The following SLC16A5 variants were observed in gnomAD, a reference collection of about 807,000 sequenced individuals.
SLC16A5 encodes the protein monocarboxylate transporter 6.
Under a neutral mutation model 33.2 loss-of-function variants are expected in SLC16A5, and 29 were observed. The observed-to-expected ratio is 0.87, with a 90% CI of 0.65 to 1.19. SLC16A5 has a LOEUF of 1.19. Ranked by LOEUF, SLC16A5 falls within the 50% of genes most tolerant of loss-of-function variation. The pLI is 0.00. For synonymous variants in SLC16A5, 248 were observed against 284.1 expected (o/e 0.87, Z 1.28); for missense variants, 606 against 678.2 (o/e 0.89, Z 1.18).
intron 2 of SLC16A5, among the ~76,000 whole-genome samples, chr17:75,092,786 T>G (rs1372500712): frequency 6.6e-6 from 1 of 151,620 alleles, no homozygotes. Context: ...TGTGTTTGTG[T>G]GTGACTGGGT....
intron 3 of SLC16A5, among the ~76,000 whole-genome samples, chr17:75,097,792 T>G (rs1351260843): frequency 1.3e-5 from 2 of 152,188 alleles, no homozygotes; most frequent in East Asian, 3.8e-4. Flanking sequence ...GGAATCCTCA[T>G]CAGGGTCAAA....
chr17:75,100,433 T>A lies in SLC16A5; in HGVS notation c.770T>A (p.Val257Asp). 1 of 1,614,252 alleles carries A rather than the reference T, an allele frequency of 6.2e-7. No homozygotes were observed. Among genetic ancestry groups the A allele is most frequent in the Non-Finnish European group, 8.5e-7 (1 of 1,180,048 alleles). The change falls in exon 5 of 7, where the codon GTC becomes GAC. Residue 257 changes from valine (V) to aspartate (D), a missense_variant. Transcript: ENST00000329783. ...WSVLGFPLPQ[V>D]FLVPYAMWHS... The stretch of plus-strand genomic sequence containing the variant: ...GTCCTGGGCTTCCCACTGCCACAAG[T>A]CTTCCTGGTGCCATATGCCATGTGG...
chr17:75,093,697 A>G lies in SLC16A5; in HGVS notation c.61A>G (p.Met21Val). The change falls in exon 3 of 7, where the codon ATG becomes GTG. Residue 21 changes from methionine (M) to valine (V), a missense_variant. Met to Val is a conservative substitution (Grantham distance 21, BLOSUM62 1). Coordinates refer to ENST00000329783, the MANE Select transcript of SLC16A5 (RefSeq NM_004695.4). Reference protein sequence around the residue: ...SWAWVVLLATMVTQGLTLGFP... With the variant: ...SWAWVVLLATVVTQGLTLGFP... ...GGCCTGGGTGGTGCTGCTGGCCACC[A>G]TGGTGACCCAGGGCCTCACCCTGGG... is the stretch of plus-strand genomic sequence containing the variant. 6.2e-7 allele frequency: 1 copy of G among 1,614,082 alleles called. No homozygotes were observed. The highest frequency in any genetic ancestry group is 1.1e-5 in the South Asian group (1 of 91,086).
intron 6 of SLC16A5, chr17:75,104,592 C>T (rs1280680008): frequency 4.5e-5 from 26 of 572,232 alleles, no homozygotes; most frequent in Non-Finnish European, 5.3e-5. Context: ...GCTGAGATTA[C>T]AGGCATGCGC....
intron 2 of SLC16A5, among the ~76,000 whole-genome samples, chr17:75,091,686 A>T (rs34183507): frequency 0.17 from 25,636 of 152,084 alleles, 3,804 homozygotes; most frequent in African/African-American, 0.4. Flanking sequence ...TTTCTGGTAG[A>T]TGTCCGAGTT....
intron 6 of SLC16A5, 171 bp downstream of exon 6, chr17:75,104,351 A>AAGCTGGGACTCTGCCAGG: frequency 4.2e-6 from 6 of 1,434,874 alleles, no homozygotes; most frequent in Middle Eastern, 2.5e-4. Flanking sequence ...CAGGCTCTGC[A>AAGCTGGGACTCTGCCAGG]AGCTGGGACT....
chr17:75,099,546 A>T lies in SLC16A5; in HGVS notation c.344-461A>T, dbSNP rs1416812267. Among the ~76,000 whole-genome samples the T allele has an allele frequency of 2.0e-5, 3 of 152,224 alleles. No individual in the cohort carries two copies. In the East Asian group the frequency reaches 5.8e-4, roughly 29 times the overall value. ...AACCTCCACTTCCCGGGTTCAAGTG[A>T]TTCTCCTGACTCAGCCTCCTAGGTA... On this transcript the variant is annotated intron_variant, in intron 4 of 6. Transcript: ENST00000329783.
At chr17:75,099,053 T>A (rs998856671) in intron 4 of SLC16A5, among the ~76,000 whole-genome samples, 1 of 152,080 alleles carries the variant, frequency 6.6e-6, no homozygotes, top group Admixed American at 6.6e-5. Flanking sequence ...GAGAACTTTT[T>A]CTCCAGCATG....
chr17:75,093,946 G>A, intron 3 of SLC16A5, 111 bp downstream of exon 3: 3 of 1,448,634 alleles, frequency 2.1e-6, no homozygotes, highest in South Asian at 2.7e-5. Context: ...TTGCCTCCTG[G>A]GTGAATTCCT....
chr17:75,099,205 G>A (rs1046410144), intron 4 of SLC16A5, among the ~76,000 whole-genome samples: 1 of 152,168 alleles, frequency 6.6e-6, no homozygotes, highest in South Asian at 2.1e-4. Flanking sequence ...ATAACCCGAG[G>A]TAGGGGCAGC....
At chr17:75,110,017 A>G (rs2073895485), downstream of SLC16A5, 1 of 392,726 alleles carries the variant, frequency 2.5e-6, no homozygotes. Flanking sequence ...CCCCTCCGCG[A>G]GCCCCAACCA....
Position 75,100,355 on chromosome 17 carries a change from TC to T in SLC16A5, c.694del (p.Leu232CysfsTer14), listed in dbSNP as rs1389518348. ...ATCCAGCGCCACCTGGCCTTCGACA[TC>T]CTGCGGCACAACACAGGCTACTGCG... Reference protein sequence around the residue: ...RTIQRHLAFDILRHNTGYCVY... With the variant: ...RTIQRHLAFDXLRHNTGYCVY... On this transcript the variant is annotated frameshift_variant, in exon 5 of 7. Coordinates refer to ENST00000329783, the MANE Select transcript of SLC16A5 (RefSeq NM_004695.4). LOFTEE classifies it high-confidence loss of function. The T allele has an allele frequency of 2.2e-5, 36 of 1,614,040 alleles. 1 individual carries two copies. Among genetic ancestry groups the T allele is most frequent in the Non-Finnish European group, 3.1e-5 (36 of 1,180,048 alleles).
In SLC16A5 at chr17:75,105,191, G is replaced by A. The variant is rs57103641; in HGVS notation, c.1365-689G>A. Reference sequence around the variant, plus strand: ...GCGCCTGTGCAGAGAACGGGAGGGGGGCCCCTGGCTTGGATCCTAGAATCG... The same window carrying A: ...GCGCCTGTGCAGAGAACGGGAGGGGAGCCCCTGGCTTGGATCCTAGAATCG... On this transcript the variant is annotated intron_variant, in intron 6 of 6. Transcript: ENST00000329783. 3,693 of 985,414 alleles carry A rather than the reference G, an allele frequency of 3.7e-3. 107 individuals are homozygous for A. In the African/African-American group the frequency reaches 0.058, roughly 16 times the overall value. The allele number at this position is 985,414 out of a possible 1,614,324, so 61.0% of individuals were successfully genotyped here. A position where few individuals can be genotyped will look rare whatever the true frequency, so the allele number is the denominator to read the frequency against.
At chr17:75,097,451 A>G (rs905709276) in intron 3 of SLC16A5, among the ~76,000 whole-genome samples, 1 of 142,386 alleles carries the variant, frequency 7.0e-6, no homozygotes, top group East Asian at 2.2e-4. Context: ...GGAGGGGAGA[A>G]CCTACCCTGC....
rs767795193 is a variant in SLC16A5, at chr17:75,093,640, C to T, written c.4C>T (p.Pro2Ser). The change falls in exon 3 of 7, where the codon CCC becomes TCC. Residue 2 changes from proline (P) to serine (S), a missense_variant. Transcript: ENST00000329783. M[P>S]QALERADGSW... ...GTGGCAGCGTCGGCAGCAGAGGATGCCCCAGGCCCTGGAGCGTGCAGATGG... is the reference window on the plus strand; with the variant it reads ...GTGGCAGCGTCGGCAGCAGAGGATGTCCCAGGCCCTGGAGCGTGCAGATGG... The T allele has an allele frequency of 1.2e-6, 2 of 1,609,066 alleles. No homozygotes were observed. The highest frequency in any genetic ancestry group is 1.7e-5 in the Admixed American group (1 of 59,928).
intron 3 of SLC16A5, among the ~76,000 whole-genome samples, chr17:75,097,160 C>A (rs1223952504): frequency 6.6e-6 from 1 of 152,044 alleles, no homozygotes; most frequent in Non-Finnish European, 1.5e-5. Context: ...CTGGCTCACA[C>A]CACACATCCC....
At position 75,098,144 on chromosome 17, in the gene SLC16A5, C is replaced by A. The variant is rs1181475699; in HGVS notation, c.306C>A (p.Asn102Lys). The change falls in exon 4 of 7, where the codon AAC (asparagine) becomes AAA (lysine). Residue 102 changes from asparagine to lysine, a missense_variant. Asn to Lys is a moderately conservative substitution (Grantham distance 94, BLOSUM62 0). Transcript: ENST00000329783. ...TGGTGGCCAGCTCCTTCTCTCACAA[C>A]CTCAGCCAGCTCTACTTCACAGCAG... ...LGMVASSFSH[N>K]LSQLYFTAGF... 1.2e-6 allele frequency: 2 copies of A among 1,612,796 alleles called. No homozygotes were observed. Among genetic ancestry groups the A allele is most frequent in the Admixed American group, 1.7e-5 (1 of 59,758 alleles).
chr17:75,106,896 AAAAC>A (rs780610224), downstream of SLC16A5, among the ~76,000 whole-genome samples: 22 of 150,958 alleles, frequency 1.5e-4, no homozygotes, highest in Admixed American at 3.3e-4. Context: ...CTCGTCTCAA[AAAAC>A]AAACAAACAA....
rs181407149 is a variant in SLC16A5 at position 75,100,219 on chromosome 17, G to A, written c.556G>A (p.Gly186Arg). The change falls in exon 5 of 7, where the codon GGG becomes AGG. Residue 186 changes from glycine to arginine, a missense_variant. Transcript: ENST00000329783. Reference protein sequence around the residue: ...GGIFLHCCICGAIIRPVATSV... With the variant: ...GGIFLHCCICRAIIRPVATSV... ...GATCTTTCTCCACTGCTGCATCTGCGGGGCCATCATAAGGCCTGTGGCCAC... is the reference window on the plus strand; with the variant it reads ...GATCTTTCTCCACTGCTGCATCTGCAGGGCCATCATAAGGCCTGTGGCCAC... 38 of 1,614,168 alleles carry A rather than the reference G, an allele frequency of 2.4e-5. No homozygotes were observed. In the East Asian group the frequency reaches 4.0e-4, roughly 17 times the overall value.
Sources: allele counts gnomAD v4.1 joint callset (sites outside exome capture counted in the v4.1 genomes callset), GRCh38; gene constraint gnomAD v4.1.1; transcripts MANE v1.5; gene names NCBI Gene and HGNC (gene_info 2026-07-23, HGNC 2026-07-21).